Variants in PTPRD observed in about 807,000 individuals in gnomAD.
The protein encoded by PTPRD is receptor-type tyrosine-protein phosphatase delta.
PTPRD carries 34 observed loss-of-function variants against 214.5 expected under a neutral mutation model. The observed-to-expected ratio is 0.16, with a 90% CI of 0.12 to 0.21. PTPRD has a LOEUF of 0.21. Ranked by LOEUF, PTPRD falls within the 10% of genes least tolerant of loss-of-function variation. The probability of loss-of-function intolerance (pLI) is 1.00; values close to 1 mark genes in which losing one functional copy is unlikely to be tolerated. For synonymous variants in PTPRD, 1,128 were observed against 845.7 expected (o/e 1.33, Z -5.79); for missense variants, 2,545 against 2,398.7 (o/e 1.06, Z -1.27).
At chr9:8,456,947 A>G (rs2096229752) in intron 33 of PTPRD, among the ~76,000 whole-genome samples, 1 of 152,096 alleles carries the variant, frequency 6.6e-6, no homozygotes, top group Admixed American at 6.6e-5. Flanking sequence ...TTAAATGTTT[A>G]TTTTTTATAT....
intron 10 of PTPRD, among the ~76,000 whole-genome samples, chr9:9,093,947 A>G (rs1166612731): frequency 6.6e-6 from 1 of 152,136 alleles, no homozygotes; most frequent in Non-Finnish European, 1.5e-5. Context: ...AAAGAAAAAA[A>G]AAGGCACAAC....
In PTPRD at chr9:8,485,272, C is replaced by G. The variant is rs2135860998; in HGVS notation, c.3108G>C (p.Leu1036=). The G allele has an allele frequency of 1.2e-6, 2 of 1,614,140 alleles. No individual in the cohort carries two copies. The highest frequency in any genetic ancestry group is 1.7e-6 in the Non-Finnish European group (2 of 1,179,990). The change falls in exon 29 of 46, where the codon CTG becomes CTC. Residue 1036 remains leucine (L), a synonymous_variant. Transcript: ENST00000381196. ...VKAVMKTSVL[L]SWEIPENYNS... ...TATAATTCTCTGGAATCTCCCAAGA[C>G]AGCAACACGGAAGTCTTCATTACTG...
At chr9:9,813,192 T>C (rs2153548671) in intron 5 of PTPRD, among the ~76,000 whole-genome samples, 1 of 152,038 alleles carries the variant, frequency 6.6e-6, no homozygotes, top group East Asian at 1.9e-4. Flanking sequence ...TTACATTTAT[T>C]AATAATAAAG....
chr9:8,670,991 G>C (rs1222103224), intron 12 of PTPRD, among the ~76,000 whole-genome samples: 2 of 152,154 alleles, frequency 1.3e-5, no homozygotes, highest in Non-Finnish European at 2.9e-5. Flanking sequence ...AACACAGCCT[G>C]TGTGTGTGGA....
At chr9:8,788,253 ATTT>A (rs776984034) in intron 11 of PTPRD, among the ~76,000 whole-genome samples, 1,356 of 85,080 alleles carry the variant, frequency 0.016, 15 homozygotes, top group African/African-American at 0.063. Flanking sequence ...ATATAAGATG[ATTT>A]TTTTTTTTTT....
chr9:9,861,272 T>C (rs979784071), intron 5 of PTPRD, among the ~76,000 whole-genome samples: 4 of 152,016 alleles, frequency 2.6e-5, no homozygotes, highest in African/African-American at 7.2e-5. Flanking sequence ...GAAATAGTTA[T>C]TTTATTTTAT....
At chr9:9,373,647 C>T (rs377068613) in intron 9 of PTPRD, among the ~76,000 whole-genome samples, 5 of 152,210 alleles carry the variant, frequency 3.3e-5, no homozygotes, top group South Asian at 2.1e-4. Flanking sequence ...GCCTTCTGCT[C>T]TTCTCTAATG....
At chr9:8,659,322 C>T (rs1414860800) in intron 12 of PTPRD, among the ~76,000 whole-genome samples, 3 of 152,136 alleles carry the variant, frequency 2.0e-5, no homozygotes, top group Admixed American at 6.5e-5. Context: ...AGAGAAGTCA[C>T]AAAATGTTCC....
At chr9:9,867,501 AAAT>A (rs1195950824) in intron 5 of PTPRD, among the ~76,000 whole-genome samples, 1 of 152,124 alleles carries the variant, frequency 6.6e-6, no homozygotes, top group South Asian at 2.1e-4. Flanking sequence ...TTGCTTCTAT[AAAT>A]AATATTAATA....
intron 8 of PTPRD, among the ~76,000 whole-genome samples, chr9:9,482,848 A>G (rs1301745034): frequency 6.6e-6 from 1 of 152,166 alleles, no homozygotes; most frequent in African/African-American, 2.4e-5. Context: ...CAATATCACA[A>G]TTATGCAAAT....
intron 26 of PTPRD, among the ~76,000 whole-genome samples, chr9:8,494,514 G>A (rs1372501026): frequency 6.6e-6 from 1 of 152,190 alleles, no homozygotes; most frequent in Non-Finnish European, 1.5e-5. Flanking sequence ...ACTATCATGA[G>A]TAAATGCCAA....
chr9:10,317,389 T>C (rs2096462180), intron 3 of PTPRD, among the ~76,000 whole-genome samples: 1 of 151,996 alleles, frequency 6.6e-6, no homozygotes. Context: ...GGCCAAACTT[T>C]CATTAGCACA....
intron 9 of PTPRD, among the ~76,000 whole-genome samples, chr9:9,231,537 G>C (rs1040167472): frequency 1.3e-5 from 2 of 152,022 alleles, no homozygotes; most frequent in Admixed American, 6.6e-5. Context: ...CTATCTAAAT[G>C]CTACCCAGCA....
At chr9:9,174,445 A>G (rs2099923367) in intron 10 of PTPRD, among the ~76,000 whole-genome samples, 1 of 152,150 alleles carries the variant, frequency 6.6e-6, no homozygotes, top group Non-Finnish European at 1.5e-5. Context: ...ACATACTCCT[A>G]TTGGCTCAAA....
chr9:9,966,267 C>A (rs1302790355), intron 4 of PTPRD, among the ~76,000 whole-genome samples: 4 of 152,242 alleles, frequency 2.6e-5, no homozygotes, highest in African/African-American at 9.6e-5. Flanking sequence ...AATATATATT[C>A]TATGCAATCA....
intron 7 of PTPRD, among the ~76,000 whole-genome samples, chr9:9,591,695 A>G (rs1389709704): frequency 3.3e-5 from 5 of 152,078 alleles, no homozygotes; most frequent in African/African-American, 7.2e-5. Flanking sequence ...TAATTGACAC[A>G]TAAGTGTGTA....
intron 2 of PTPRD, among the ~76,000 whole-genome samples, chr9:10,543,782 T>C (rs750549353): frequency 2.0e-5 from 3 of 152,184 alleles, no homozygotes; most frequent in African/African-American, 4.8e-5. Flanking sequence ...CTTTCACTGT[T>C]TGCATAAATA....
At chr9:9,634,015 A>C (rs1182479593) in intron 7 of PTPRD, among the ~76,000 whole-genome samples, 1 of 152,284 alleles carries the variant, frequency 6.6e-6, no homozygotes, top group South Asian at 2.1e-4. Context: ...ATAAATCTTT[A>C]TGATATAGAC....
At chr9:10,368,758 C>T (rs1048448919) in intron 2 of PTPRD, among the ~76,000 whole-genome samples, 1 of 152,020 alleles carries the variant, frequency 6.6e-6, no homozygotes, top group Non-Finnish European at 1.5e-5. Flanking sequence ...CAAAACTCAG[C>T]CTGGGCATAA....
Sources: allele counts gnomAD v4.1 joint callset (sites outside exome capture counted in the v4.1 genomes callset), GRCh38; gene constraint gnomAD v4.1.1; transcripts MANE v1.5; gene names NCBI Gene and HGNC (gene_info 2026-07-23, HGNC 2026-07-21).